The following SDK1 variants were observed in gnomAD, a reference collection of about 807,000 sequenced individuals.
SDK1 encodes sidekick cell adhesion molecule 1.
SDK1 carries 157 observed loss-of-function variants against 245.5 expected under a neutral mutation model. That is an observed-to-expected ratio of 0.64 (90% confidence interval 0.56 to 0.73). The LOEUF (loss-of-function observed/expected upper bound fraction) is 0.73, where lower values mean the gene tolerates loss of function less well. SDK1 is among the 30% of genes least tolerant of loss of function. The probability of loss-of-function intolerance (pLI) is 0.00; values close to 1 mark genes in which losing one functional copy is unlikely to be tolerated. For missense variants in SDK1, 3,583 were observed against 3,002.3 expected (o/e 1.19, Z -4.52); for synonymous variants, 1,647 against 1,278.5 (o/e 1.29, Z -6.15).
At chr7:4,106,311 T>TC (rs1377989587) in intron 22 of SDK1, among the ~76,000 whole-genome samples, 1 of 151,284 alleles carries the variant, frequency 6.6e-6, no homozygotes, top group East Asian at 1.9e-4. Context: ...TTCTTTCTTT[T>TC]TTTTTTTTTT....
chr7:3,419,917 T>C (rs987995953), intron 1 of SDK1, among the ~76,000 whole-genome samples: 20 of 152,054 alleles, frequency 1.3e-4, no homozygotes, highest in African/African-American at 4.6e-4. Flanking sequence ...ATAAGTAAAA[T>C]TGGAAAATAC....
chr7:3,877,658 C>T (rs1781107202), intron 5 of SDK1, among the ~76,000 whole-genome samples: 1 of 152,234 alleles, frequency 6.6e-6, no homozygotes, highest in Non-Finnish European at 1.5e-5. Context: ...TCCTATCACA[C>T]AGAGTTAACC....
chr7:3,613,200 C>G (rs933716749), intron 1 of SDK1, among the ~76,000 whole-genome samples: 1 of 152,112 alleles, frequency 6.6e-6, no homozygotes, highest in Non-Finnish European at 1.5e-5. Context: ...GACCCCCTTT[C>G]TTGATGTTAG....
chr7:3,854,719 A>AT (rs1215920536), intron 5 of SDK1, among the ~76,000 whole-genome samples: 1 of 152,134 alleles, frequency 6.6e-6, no homozygotes, highest in Non-Finnish European at 1.5e-5. Flanking sequence ...TATTTGAGGG[A>AT]TTTTCGATCA....
At chr7:3,735,652 C>T (rs1487824859) in intron 4 of SDK1, among the ~76,000 whole-genome samples, 4 of 152,014 alleles carry the variant, frequency 2.6e-5, no homozygotes, top group African/African-American at 9.7e-5. Context: ...TCTTCAAGAC[C>T]CTGTCTTCAA....
intron 43 of SDK1, among the ~76,000 whole-genome samples, chr7:4,243,878 T>C (rs894261319): frequency 6.6e-6 from 1 of 152,198 alleles, no homozygotes; most frequent in Non-Finnish European, 1.5e-5. Context: ...CAAAATATCT[T>C]AGAAATACGG....
chr7:4,206,871 T>A (rs1370775338), intron 36 of SDK1, among the ~76,000 whole-genome samples: 2 of 152,208 alleles, frequency 1.3e-5, no homozygotes, highest in Admixed American at 6.5e-5. Flanking sequence ...CATTTAAAGA[T>A]GGTTTTTGCA....
chr7:4,103,083 C>G (rs573074258), intron 22 of SDK1, among the ~76,000 whole-genome samples: 3 of 149,588 alleles, frequency 2.0e-5, no homozygotes, highest in African/African-American at 7.4e-5. Context: ...TCACTGCAAG[C>G]TCCGCCTGCC....
intron 5 of SDK1, among the ~76,000 whole-genome samples, chr7:3,918,960 CTATT>C (rs1779489180): frequency 6.6e-6 from 1 of 152,282 alleles, no homozygotes; most frequent in African/African-American, 2.4e-5. Context: ...ATTCTTCTAT[CTATT>C]ATTATTATAA....
At chr7:3,703,642 G>C (rs1784804563) in intron 4 of SDK1, among the ~76,000 whole-genome samples, 1 of 152,152 alleles carries the variant, frequency 6.6e-6, no homozygotes, top group African/African-American at 2.4e-5. Flanking sequence ...TCCTTAAGCA[G>C]TATCCATTAA....
At chr7:4,140,312 G>C (rs747927435) in intron 28 of SDK1, among the ~76,000 whole-genome samples, 1 of 152,100 alleles carries the variant, frequency 6.6e-6, no homozygotes, top group Admixed American at 6.5e-5. Context: ...GGCTCTTCCC[G>C]AGGACTCTCT....
At position 3,559,267 on chromosome 7, in the gene SDK1, G is replaced by A. The variant is rs190752460; in HGVS notation, c.299-59813G>A. The stretch of plus-strand genomic sequence containing the variant: ...TACTATGATGAAGTCTGACTTGATA[G>A]CACATCAACACAGTAAGCCTCATTT... On this transcript the variant is annotated intron_variant, in intron 1 of 44. Coordinates refer to ENST00000404826, the MANE Select transcript of SDK1 (RefSeq NM_152744.4). Among the ~76,000 whole-genome samples the A allele has an allele frequency of 9.7e-4, 148 of 152,240 alleles. 1 individual carries two copies. The highest frequency in any genetic ancestry group is 7.7e-3 in the Admixed American group (118 of 15,284).
chr7:3,878,047 A>G (rs1054068932), intron 5 of SDK1, among the ~76,000 whole-genome samples: 1 of 152,250 alleles, frequency 6.6e-6, no homozygotes, highest in African/African-American at 2.4e-5. Flanking sequence ...AGGCTGTTCT[A>G]AGTTGTACAT....
intron 1 of SDK1, among the ~76,000 whole-genome samples, chr7:3,581,531 C>T (rs985384926): frequency 6.6e-6 from 1 of 152,122 alleles, no homozygotes; most frequent in Admixed American, 6.5e-5. Context: ...AAGGGGAGCA[C>T]TTACACACCG....
At chr7:3,356,317 C>G (rs11975560) in intron 1 of SDK1, among the ~76,000 whole-genome samples, 16,977 of 152,088 alleles carry the variant, frequency 0.11, 1,289 homozygotes, top group African/African-American at 0.21. Flanking sequence ...GTTCAACCAA[C>G]TGTAAAATAA....
chr7:3,503,039 C>A, intron 1 of SDK1, among the ~76,000 whole-genome samples: 1 of 152,150 alleles, frequency 6.6e-6, no homozygotes, highest in East Asian at 1.9e-4. Context: ...TCACAGTGGA[C>A]TAATGATGCC....
chr7:3,937,033 T>G (rs138280397), intron 5 of SDK1, among the ~76,000 whole-genome samples: 1 of 152,332 alleles, frequency 6.6e-6, no homozygotes, highest in Non-Finnish European at 1.5e-5. Context: ...ATGATCATCA[T>G]GTGCCTGGTC....
rs187063578 is a variant in SDK1 at position 4,219,883 on chromosome 7, G to C, written c.5540-226G>C. 7.0e-3 allele frequency among the ~76,000 whole-genome samples: 1,047 copies of C among 148,692 alleles called. 17 individuals carry two copies. Among genetic ancestry groups the C allele is most frequent in the African/African-American group, 0.024 (984 of 40,270 alleles). On this transcript the variant is annotated intron_variant, in intron 38 of 44. Coordinates refer to ENST00000404826, the MANE Select transcript of SDK1 (RefSeq NM_152744.4). ...GCAGCCTCCCCCTTTTGTGTTGTCA[G>C]CCTCAGTTGTTTTCTTTGTCAGCAC...
At chr7:3,755,626 A>G (rs1779900626) in intron 4 of SDK1, among the ~76,000 whole-genome samples, 1 of 152,158 alleles carries the variant, frequency 6.6e-6, no homozygotes, top group African/African-American at 2.4e-5. Flanking sequence ...ACAGAACGTC[A>G]TCTCAAAAAA....
Sources: allele counts gnomAD v4.1 joint callset (sites outside exome capture counted in the v4.1 genomes callset), GRCh38; gene constraint gnomAD v4.1.1; transcripts MANE v1.5; gene names NCBI Gene and HGNC (gene_info 2026-07-23, HGNC 2026-07-21).